ZNF644: variants seen among roughly 807,000 people sequenced by gnomAD.
ZNF644 encodes zinc finger protein 644.
A neutral mutation model predicts 108.0 loss-of-function variants in ZNF644; 20 were observed. The ratio of observed to expected loss-of-function variants is 0.19; its 90% CI spans 0.13 to 0.27. The LOEUF is 0.27. Among genes scored for constraint, ZNF644 ranks in the 10% least tolerant of loss-of-function variants. The pLI is 1.00. For missense variants in ZNF644, 1,338 were observed against 1,548.9 expected, an observed-to-expected ratio of 0.86 and a Z score of 2.29; for synonymous variants, 542 against 539.1, an observed-to-expected ratio of 1.01 and a Z score of -0.08.
intron 1 of ZNF644, among the ~76,000 whole-genome samples, chr1:91,003,151 T>C (rs1659054247): frequency 6.6e-6 from 1 of 152,172 alleles, no homozygotes; most frequent in Admixed American, 6.5e-5. Context: ...GAACTAGAAA[T>C]ACCATTTGAC....
intron 1 of ZNF644, among the ~76,000 whole-genome samples, chr1:90,994,348 C>T (rs1393585407): frequency 2.0e-5 from 3 of 152,146 alleles, no homozygotes; most frequent in Non-Finnish European, 4.4e-5. Flanking sequence ...ATGCTAGAGA[C>T]CCCACAAGCA....
chr1:91,009,778 C>A (rs1659774570), intron 1 of ZNF644, among the ~76,000 whole-genome samples: 1 of 152,084 alleles, frequency 6.6e-6, no homozygotes, highest in African/African-American at 2.4e-5. Flanking sequence ...AAAGGCCAAG[C>A]CAGTTTTTTT....
At chr1:91,005,870 AAACTC>A (rs2101714564) in intron 1 of ZNF644, among the ~76,000 whole-genome samples, 1 of 152,162 alleles carries the variant, frequency 6.6e-6, no homozygotes, top group African/African-American at 2.4e-5. Flanking sequence ...AAGACAAACT[AAACTC>A]AAAGCAGACA....
At chr1:90,967,207 C>T (rs953717072) in intron 2 of ZNF644, among the ~76,000 whole-genome samples, 1 of 152,186 alleles carries the variant, frequency 6.6e-6, no homozygotes, top group Non-Finnish European at 1.5e-5. Context: ...TCCTCTTCAC[C>T]ATAGGGCCTC....
chr1:90,923,443 C>A (rs1338875705), intron 4 of ZNF644, among the ~76,000 whole-genome samples: 3 of 152,142 alleles, frequency 2.0e-5, no homozygotes, highest in African/African-American at 4.8e-5. Flanking sequence ...AACATCAGTT[C>A]TTTGCTCCTA....
chr1:91,012,885 T>TA (rs1490119493), intron 1 of ZNF644, among the ~76,000 whole-genome samples: 1 of 152,160 alleles, frequency 6.6e-6, no homozygotes. Context: ...TAGCTAAATC[T>TA]AAAAACCTTT....
At chr1:90,997,664 T>A (rs751771877) in intron 1 of ZNF644, among the ~76,000 whole-genome samples, 1 of 151,974 alleles carries the variant, frequency 6.6e-6, no homozygotes, top group Non-Finnish European at 1.5e-5. Flanking sequence ...GCGTTTCCAA[T>A]TGAGGTACCG....
intron 1 of ZNF644, among the ~76,000 whole-genome samples, chr1:91,006,781 C>G (rs964045479): frequency 6.7e-6 from 1 of 150,368 alleles, no homozygotes; most frequent in African/African-American, 2.4e-5. Context: ...TGTAATGCAT[C>G]CTACTTTCTG....
intron 2 of ZNF644, among the ~76,000 whole-genome samples, chr1:90,946,353 G>C (rs1214324774): frequency 6.6e-6 from 1 of 151,968 alleles, no homozygotes; most frequent in Non-Finnish European, 1.5e-5. Context: ...TTAAAACCAA[G>C]CCAAATAATA....
chr1:90,976,715 G>A (rs903305225), intron 2 of ZNF644, among the ~76,000 whole-genome samples: 1 of 152,092 alleles, frequency 6.6e-6, no homozygotes, highest in African/African-American at 2.4e-5. Context: ...TAACAGCACA[G>A]TGAAACCAAG....
At chr1:90,991,801 A>G (rs1657660917) in intron 1 of ZNF644, among the ~76,000 whole-genome samples, 1 of 152,186 alleles carries the variant, frequency 6.6e-6, no homozygotes, top group African/African-American at 2.4e-5. Context: ...CTTCTCCAAC[A>G]TTGGGAATTA....
chr1:90,928,319 ATT>A lies in ZNF644; in HGVS notation c.3688+9164_3688+9165del, dbSNP rs58051560. 9.7e-3 allele frequency among the ~76,000 whole-genome samples: 930 copies of A among 95,830 alleles called. 8 individuals carry two copies. Among genetic ancestry groups the A allele is most frequent in the African/African-American group, 0.029 (728 of 25,340 alleles). The allele number at this position is 95,830 out of a possible 152,430, so 62.9% of individuals were successfully genotyped here. A position where few individuals can be genotyped will look rare whatever the true frequency, so the allele number is the denominator to read the frequency against. On this transcript the variant is annotated intron_variant, in intron 4 of 5. Transcript: ENST00000337393. Reference sequence around the variant, plus strand: ...AGGCGCGCACCACCACACTGGGCTGATTTTTTTTTTTTTTTTTTGAGGAGTTT... The same window carrying A: ...AGGCGCGCACCACCACACTGGGCTGATTTTTTTTTTTTTTTTGAGGAGTTT...
Position 91,007,219 on chromosome 1 carries a change from C to CGTTTTTTTTTTTTTTTTTTTTTTTTTTT in ZNF644, c.-18+14770_-18+14771insAAAAAAAAAAAAAAAAAAAAAAAAAAAC, listed in dbSNP as rs1557658445. ...ATTCTTAATTTCTTCCATTTTCTCCCATTTTGTTTTTTTTTTTTTTTTTTT... is the reference window on the plus strand; with the variant it reads ...ATTCTTAATTTCTTCCATTTTCTCCCGTTTTTTTTTTTTTTTTTTTTTTTTTTTATTTTGTTTTTTTTTTTTTTTTTTT... On this transcript the variant is annotated intron_variant, in intron 1 of 5. Coordinates refer to ENST00000337393, the MANE Select transcript of ZNF644 (RefSeq NM_201269.3). 1.8e-5 allele frequency among the ~76,000 whole-genome samples: 2 copies of CGTTTTTTTTTTTTTTTTTTTTTTTTTTT among 114,248 alleles called. 1 individual carries two copies. The highest frequency in any genetic ancestry group is 6.6e-5 in the African/African-American group (2 of 30,182). The allele number at this position is 114,248 out of a possible 152,430, so 75.0% of individuals were successfully genotyped here.
At chr1:90,921,976 A>T (rs984594832) in intron 4 of ZNF644, among the ~76,000 whole-genome samples, 4 of 152,178 alleles carry the variant, frequency 2.6e-5, no homozygotes, top group Non-Finnish European at 5.9e-5. Context: ...TTTCTGAGCC[A>T]TTATTTAGTT....
chr1:90,935,837 T>C (rs954843732), intron 4 of ZNF644, among the ~76,000 whole-genome samples: 4 of 152,178 alleles, frequency 2.6e-5, no homozygotes, highest in African/African-American at 9.6e-5. Context: ...TTAAACCTAC[T>C]ACAATACAAT....
In ZNF644 at chr1:90,939,574, T is replaced by G; in HGVS notation, c.1780A>C (p.Thr594Pro). Residue 594 changes from threonine to proline, a missense_variant, in exon 3 of 6, where the codon ACT becomes CCT. Coordinates refer to ENST00000337393, the MANE Select transcript of ZNF644 (RefSeq NM_201269.3). ...ATYICKMCPF[T>P]TSAKSVLKKH... ...TTTAAAACACTTTTGGCTGAAGTAG[T>G]AAAAGGACACATCTTACATATGTAG... The G allele has an allele frequency of 6.2e-7, 1 of 1,614,050 alleles. No individual in the cohort carries two copies. Among genetic ancestry groups the G allele is most frequent in the South Asian group, 1.1e-5 (1 of 91,086 alleles).
chr1:90,968,919 C>T (rs552979953), intron 2 of ZNF644, among the ~76,000 whole-genome samples: 9 of 152,272 alleles, frequency 5.9e-5, no homozygotes, highest in Non-Finnish European at 8.8e-5. Context: ...TGACTCAATG[C>T]ACCACATCTT....
In ZNF644 at chr1:90,938,283, C is replaced by G; in HGVS notation, c.3071G>C (p.Arg1024Pro). The change falls in exon 3 of 6, where the codon CGA becomes CCA. Residue 1024 changes from arginine (R) to proline (P), a missense_variant. By Grantham distance (103) the Arg-to-Pro change is moderately radical (BLOSUM62 -2). This residue lies in a region of ZNF644 where 287 missense variants were observed against 310.9 expected (regional missense o/e 0.92). Coordinates refer to ENST00000337393, the MANE Select transcript of ZNF644 (RefSeq NM_201269.3). The surrounding 1 kb of genome is among the most constrained non-coding windows in gnomAD (Gnocchi z 4.2). ...CATGGAGAACTTACCTTTTCTAACT[C>G]GTTTAACAGGTGTTCCTGTGCCAGT... Reference protein sequence around the residue: ...KRTGTGTPVKRVRKAIEKSET... With the variant: ...KRTGTGTPVKPVRKAIEKSET... 7 of 1,613,952 alleles carry G rather than the reference C, an allele frequency of 4.3e-6. No homozygotes were observed. Among genetic ancestry groups the G allele is most frequent in the Non-Finnish European group, 5.9e-6 (7 of 1,179,870 alleles).
At chr1:90,997,300 C>T (rs1421532274) in intron 1 of ZNF644, among the ~76,000 whole-genome samples, 1 of 152,174 alleles carries the variant, frequency 6.6e-6, no homozygotes, top group East Asian at 1.9e-4. Flanking sequence ...CCAACACACA[C>T]ATAACTTCAA....
Sources: gnomAD v4.1 joint callset for allele counts (sites outside exome capture counted in the v4.1 genomes callset) on GRCh38, gnomAD v4.1.1 for gene constraint, gnomAD v4.1.1 regional missense constraint, Gnocchi (gnomAD v3.1) non-coding constraint, MANE v1.5 for transcripts, NCBI Gene and HGNC (gene_info 2026-07-23, HGNC 2026-07-21) for gene names.